The following SLC39A8 variants were observed in gnomAD, a reference collection of about 807,000 sequenced individuals.
SLC39A8 encodes metal cation symporter ZIP8.
In SLC39A8, 15 loss-of-function variants were observed where a neutral mutation model predicts 40.4. That is an observed-to-expected ratio of 0.37 (90% CI 0.25 to 0.57). The LOEUF (loss-of-function observed/expected upper bound fraction) is 0.57, where lower values mean the gene tolerates loss of function less well. Ranked by LOEUF, SLC39A8 falls within the 20% of genes least tolerant of loss-of-function variation. The pLI is 0.75. For missense variants in SLC39A8, 472 were observed against 558.8 expected (o/e 0.84, Z 1.57); for synonymous variants, 223 against 221.6 (o/e 1.01, Z -0.06).
In SLC39A8 at chr4:102,278,812, A is replaced by T. The variant is rs533241528; in HGVS notation, c.841-10733T>A. Among the ~76,000 whole-genome samples the T allele has an allele frequency of 2.0e-5, 3 of 152,326 alleles. No homozygotes were observed. The South Asian group carries it at 6.2e-4, about 32-fold the overall frequency. Reference sequence around the variant, plus strand: ...CACCACGGAATACTATGCAGACATAAAAAAGGATGAGTTCATGTCCTTTGC... The same window carrying T: ...CACCACGGAATACTATGCAGACATATAAAAGGATGAGTTCATGTCCTTTGC... On this transcript the variant is annotated intron_variant, in intron 6 of 8. Transcript: ENST00000356736.
intron 6 of SLC39A8, among the ~76,000 whole-genome samples, chr4:102,277,150 A>C (rs1001464519): frequency 6.6e-6 from 1 of 152,226 alleles, no homozygotes; most frequent in Non-Finnish European, 1.5e-5. Flanking sequence ...GCAATCAGGC[A>C]AGAGAAAGAA....
intron 6 of SLC39A8, among the ~76,000 whole-genome samples, chr4:102,301,921 T>C (rs1470811838): frequency 6.6e-6 from 1 of 152,062 alleles, no homozygotes; most frequent in Non-Finnish European, 1.5e-5. Flanking sequence ...GCCTATCAGC[T>C]CATTCTGATA....
At chr4:102,333,837 G>GT (rs1735565837) in intron 2 of SLC39A8, among the ~76,000 whole-genome samples, 1 of 152,072 alleles carries the variant, frequency 6.6e-6, no homozygotes, top group East Asian at 1.9e-4. Flanking sequence ...GGCTCGAGAT[G>GT]GAAACCTGAG....
At chr4:102,300,761 C>T (rs760054958) in intron 6 of SLC39A8, among the ~76,000 whole-genome samples, 2 of 151,730 alleles carry the variant, frequency 1.3e-5, no homozygotes, top group Non-Finnish European at 2.9e-5. Flanking sequence ...TTAATGGGGT[C>T]ACCTAGGTTA....
intron 2 of SLC39A8, among the ~76,000 whole-genome samples, chr4:102,320,250 T>C (rs1734869798): frequency 7.3e-6 from 1 of 137,478 alleles, no homozygotes; most frequent in African/African-American, 2.7e-5. Flanking sequence ...TGAGAATATA[T>C]ATATGAGTAT....
chr4:102,335,911 T>G (rs1735646656), intron 2 of SLC39A8, among the ~76,000 whole-genome samples: 1 of 152,190 alleles, frequency 6.6e-6, no homozygotes, highest in Non-Finnish European at 1.5e-5. Context: ...CTGTGCTTTC[T>G]TCTTTTAGTT....
At chr4:102,281,690 C>G (rs1732882108) in intron 6 of SLC39A8, among the ~76,000 whole-genome samples, 1 of 152,034 alleles carries the variant, frequency 6.6e-6, no homozygotes, top group South Asian at 2.1e-4. Context: ...AAGCTATTCT[C>G]TGCAAGGGGC....
chr4:102,273,856 TCTGA>T lies in SLC39A8; in HGVS notation c.841-5781_841-5778del, dbSNP rs1158711681. ...CTCCAGAAGACCTGCAGAAGAGGGGTCTGACTGTTAGAAGGAAAACCAACAAACA... is the reference window on the plus strand; with the variant it reads ...CTCCAGAAGACCTGCAGAAGAGGGGTCTGTTAGAAGGAAAACCAACAAACA... On this transcript the variant is annotated intron_variant, in intron 6 of 8. Transcript: ENST00000356736. Among the ~76,000 whole-genome samples the T allele has an allele frequency of 1.3e-4, 19 of 151,892 alleles. No individual in the cohort carries two copies. In the East Asian group the frequency reaches 3.7e-3, roughly 30 times the overall value.
intron 6 of SLC39A8, among the ~76,000 whole-genome samples, chr4:102,288,565 G>A (rs1445652828): frequency 6.6e-6 from 1 of 152,166 alleles, no homozygotes; most frequent in East Asian, 1.9e-4. Flanking sequence ...AGCCAAGATA[G>A]ACCAAATCTA....
intron 3 of SLC39A8, among the ~76,000 whole-genome samples, chr4:102,312,374 G>A (rs1481153345): frequency 6.6e-6 from 1 of 151,982 alleles, no homozygotes; most frequent in Non-Finnish European, 1.5e-5. Flanking sequence ...AATATTTGGT[G>A]ATCCCATAAC....
chr4:102,286,128 T>G (rs1486901983), intron 6 of SLC39A8, among the ~76,000 whole-genome samples: 1 of 152,218 alleles, frequency 6.6e-6, no homozygotes, highest in African/African-American at 2.4e-5. Context: ...AAGCTGATGT[T>G]AAAGACTGAC....
At chr4:102,307,402 ATTAT>A in intron 4 of SLC39A8, 30 bp downstream of exon 4, 1 of 1,603,006 alleles carries the variant, frequency 6.2e-7, no homozygotes, top group Non-Finnish European at 8.5e-7. Context: ...AAAAGAAACA[ATTAT>A]TCACAGAAAC....
At chr4:102,299,277 T>A (rs556587719) in intron 6 of SLC39A8, among the ~76,000 whole-genome samples, 2 of 151,088 alleles carry the variant, frequency 1.3e-5, no homozygotes, top group South Asian at 4.2e-4. Context: ...GAACTTCCAG[T>A]CAGTTTTTTT....
rs371703164 is a variant in SLC39A8 at position 102,344,468 on chromosome 4, C to T, written c.195G>A (p.Glu65=). Residue 65 remains glutamate (E), a synonymous_variant, in exon 2 of 9, where the codon GAG becomes GAA. Coordinates refer to ENST00000356736, the MANE Select transcript of SLC39A8 (RefSeq NM_001135146.2). ...MGAASRVGVP[E]PGQLHFNQCL... ...CCTGGTTGAAGTGCAGCTGGCCAGG[C>T]TCCGGGACGCCCACGCGGGAGGCGG... The T allele has an allele frequency of 1.3e-6, 2 of 1,544,930 alleles. No individual in the cohort carries two copies. Among genetic ancestry groups the T allele is most frequent in the African/African-American group, 2.8e-5 (2 of 72,284 alleles).
chr4:102,258,128 G>A (rs1216087059), downstream of SLC39A8, among the ~76,000 whole-genome samples: 3 of 144,170 alleles, frequency 2.1e-5, no homozygotes, highest in Non-Finnish European at 3.0e-5. Context: ...TTTTTGAGAC[G>A]GAGTCTTGCT....
intron 6 of SLC39A8, among the ~76,000 whole-genome samples, chr4:102,268,283 G>A (rs933162297): frequency 2.0e-5 from 3 of 152,098 alleles, no homozygotes; most frequent in Non-Finnish European, 4.4e-5. Flanking sequence ...GACACACCTC[G>A]AATAAGCCAC....
chr4:102,259,562 T>C (rs1330124290), downstream of SLC39A8: 7 of 1,375,136 alleles, frequency 5.1e-6, no homozygotes, highest in Admixed American at 2.0e-5. Context: ...GAGATATAAA[T>C]AGGAAATCAG....
intron 6 of SLC39A8, among the ~76,000 whole-genome samples, chr4:102,289,017 C>T (rs982027748): frequency 1.1e-4 from 17 of 152,122 alleles, no homozygotes; most frequent in Admixed American, 7.9e-4. Flanking sequence ...AGATGCCATC[C>T]AGGGCTTTCA....
chr4:102,287,775 C>A (rs1180172957), intron 6 of SLC39A8, among the ~76,000 whole-genome samples: 1 of 152,062 alleles, frequency 6.6e-6, no homozygotes, highest in Non-Finnish European at 1.5e-5. Context: ...GAGAAGCATA[C>A]AAATCAGGAA....
Sources: gnomAD v4.1 joint callset for allele counts (sites outside exome capture counted in the v4.1 genomes callset) on GRCh38, gnomAD v4.1.1 for gene constraint, MANE v1.5 for transcripts, NCBI Gene and HGNC (gene_info 2026-07-23, HGNC 2026-07-21) for gene names.